The following AP1G1 variants were observed in gnomAD, a reference collection of about 807,000 sequenced individuals.
AP1G1 encodes the protein adaptor related protein complex 1 subunit gamma 1, also known as AP-1 complex subunit gamma-1.
A neutral mutation model predicts 108.3 loss-of-function variants in AP1G1; 7 were observed. The ratio of observed to expected loss-of-function variants is 0.06; its 90% CI spans 0.04 to 0.12. The LOEUF (loss-of-function observed/expected upper bound fraction) is 0.12. Among genes scored for constraint, AP1G1 ranks in the 10% least tolerant of loss-of-function variants. AP1G1 has a pLI of 1.00. For missense variants in AP1G1, 756 were observed against 1,010.7 expected (o/e 0.75, Z 3.42); for synonymous variants, 379 against 353.5 (o/e 1.07, Z -0.81).
chr16:71,774,653 C>T, intron 2 of AP1G1, 61 bp from the exon 3 acceptor site: 2 of 1,518,966 alleles, frequency 1.3e-6, no homozygotes, highest in Non-Finnish European at 1.8e-6. Context: ...TCTAGAAAAG[C>T]AGTGTTTTTA....
intron 10 of AP1G1, among the ~76,000 whole-genome samples, 173 bp from the exon 11 acceptor site, chr16:71,759,094 T>C (rs1044621324): frequency 2.6e-5 from 4 of 152,258 alleles, no homozygotes; most frequent in African/African-American, 9.6e-5. Flanking sequence ...AGCGATACCA[T>C]AATCTAAAAT....
At position 71,746,595 on chromosome 16, in the gene AP1G1, G is replaced by C. The variant is rs761173171; in HGVS notation, c.1723C>G (p.His575Asp). Residue 575 changes from histidine (H) to aspartate (D), a missense_variant, in exon 17 of 23, where the codon CAC becomes GAC. His to Asp is a moderately conservative substitution (Grantham distance 81). This residue lies in a region of AP1G1 where 357 missense variants were observed against 366.5 expected (regional missense o/e 0.97). Transcript: ENST00000299980. ...EYNALFKKYD[H>D]MRSALLERMP... ...TTAGTTTCTTTCGCTCACCTCATGTGGTCATATTTCTTGAAAAGTGCATTA... is the reference window on the plus strand; with the variant it reads ...TTAGTTTCTTTCGCTCACCTCATGTCGTCATATTTCTTGAAAAGTGCATTA... The C allele has an allele frequency of 1.9e-6, 3 of 1,600,676 alleles. No individual in the cohort carries two copies. The Admixed American group carries it at 5.0e-5, about 27-fold the overall frequency.
chr16:71,760,990 C>T (rs1288353190), intron 10 of AP1G1, among the ~76,000 whole-genome samples: 1 of 152,150 alleles, frequency 6.6e-6, no homozygotes, highest in Non-Finnish European at 1.5e-5. Context: ...AGCTAGAGTT[C>T]ACAAAGACAT....
chr16:71,765,281 T>C (rs1429719875), intron 7 of AP1G1, among the ~76,000 whole-genome samples: 2 of 152,210 alleles, frequency 1.3e-5, no homozygotes, highest in East Asian at 1.9e-4. Flanking sequence ...GAGGCAAGAT[T>C]GTGCCACTGC....
intron 22 of AP1G1, 96 bp downstream of exon 22, chr16:71,734,507 CTAACTA>C (rs2045509397): frequency 3.1e-6 from 3 of 955,118 alleles, no homozygotes; most frequent in Non-Finnish European, 5.0e-6. Context: ...GATCTCTTCT[CTAACTA>C]TGAGTCAGAA....
chr16:71,784,230 A>G (rs1015223437), intron 2 of AP1G1, among the ~76,000 whole-genome samples: 11 of 152,220 alleles, frequency 7.2e-5, no homozygotes, highest in African/African-American at 1.7e-4. Context: ...ATAACACTAT[A>G]AAGTAGGCAT....
chr16:71,746,018 CTTT>C (rs563880517), intron 17 of AP1G1, among the ~76,000 whole-genome samples: 1 of 149,274 alleles, frequency 6.7e-6, no homozygotes, highest in African/African-American at 2.5e-5. Flanking sequence ...ACTCCCACTT[CTTT>C]TTTTTTTGAG....
At chr16:71,794,906 A>T (rs1242151481) in intron 1 of AP1G1, among the ~76,000 whole-genome samples, 4 of 139,756 alleles carry the variant, frequency 2.9e-5, no homozygotes, top group Non-Finnish European at 4.5e-5. Context: ...CAAGCTCCCT[A>T]AGGCTAGATC....
At chr16:71,803,145 T>C (rs1345300845) in intron 1 of AP1G1, among the ~76,000 whole-genome samples, 2 of 150,914 alleles carry the variant, frequency 1.3e-5, no homozygotes, top group African/African-American at 4.9e-5. Context: ...ACCCAGGAGG[T>C]AGAGGCTGTA....
chr16:71,767,815 A>T, intron 6 of AP1G1: 1 of 1,512,020 alleles, frequency 6.6e-7, no homozygotes, highest in Admixed American at 1.7e-5. Context: ...GTGGATCGAT[A>T]CACAAAAGCT....
At chr16:71,790,500 C>A (rs1406926293) in intron 1 of AP1G1, among the ~76,000 whole-genome samples, 1 of 145,584 alleles carries the variant, frequency 6.9e-6, no homozygotes, top group African/African-American at 2.5e-5. Flanking sequence ...GCCCTCTAGC[C>A]TGAGCAACAA....
chr16:71,761,673 G>C, intron 9 of AP1G1, 106 bp from the exon 10 acceptor site: 1 of 831,120 alleles, frequency 1.2e-6, no homozygotes, highest in Non-Finnish European at 1.9e-6. Flanking sequence ...CAGACTGCTA[G>C]CAAAAAAAAA....
chr16:71,785,254 C>T (rs916327808), intron 2 of AP1G1, among the ~76,000 whole-genome samples: 3 of 151,700 alleles, frequency 2.0e-5, no homozygotes, highest in East Asian at 1.9e-4. Context: ...ACTCACATAC[C>T]CAAGTTGTTT....
chr16:71,776,806 T>C (rs2031795436), intron 2 of AP1G1, among the ~76,000 whole-genome samples: 1 of 152,028 alleles, frequency 6.6e-6, no homozygotes, highest in Admixed American at 6.6e-5. Flanking sequence ...CCATTTCTTA[T>C]TAAACTATAC....
At chr16:71,772,047 T>A (rs1354056883) in intron 4 of AP1G1, among the ~76,000 whole-genome samples, 2 of 152,212 alleles carry the variant, frequency 1.3e-5, no homozygotes, top group Non-Finnish European at 2.9e-5. Flanking sequence ...TCAAATACCA[T>A]AAAAGTTTAG....
rs190809298 is a variant in AP1G1, at chr16:71,736,602, T to A, written c.2269-1895A>T. Among the ~76,000 whole-genome samples the A allele has an allele frequency of 5.4e-4, 73 of 134,138 alleles. No homozygotes were observed. The East Asian group carries it at 5.6e-3, about 10-fold the overall frequency. The allele number at this position is 134,138 out of a possible 152,430, so 88.0% of individuals were successfully genotyped here. ...TATTTATTTATTTATTTATTTATTT[T>A]TTGAGACGAGTCTCGCTCTGTTGCC... is the stretch of plus-strand genomic sequence containing the variant. On this transcript the variant is annotated intron_variant, in intron 21 of 22. Transcript: ENST00000299980.
intron 1 of AP1G1, among the ~76,000 whole-genome samples, chr16:71,807,554 A>C (rs1309694857): frequency 2.6e-5 from 4 of 152,252 alleles, no homozygotes; most frequent in Admixed American, 2.6e-4. Context: ...TTCAAACGTG[A>C]AAGTTAGGGT....
At chr16:71,798,567 G>A (rs1364679968) in intron 1 of AP1G1, among the ~76,000 whole-genome samples, 1 of 151,262 alleles carries the variant, frequency 6.6e-6, no homozygotes, top group Non-Finnish European at 1.5e-5. Context: ...ACCTGAAAAT[G>A]TCTGTGACAT....
In AP1G1 at chr16:71,771,398, T is replaced by C. The variant is rs1300207650; in HGVS notation, c.469-146A>G. 5.4e-6 allele frequency: 3 copies of C among 556,502 alleles called. No homozygotes were observed. The East Asian group carries it at 9.4e-5, about 17-fold the overall frequency. The allele number at this position is 556,502 out of a possible 1,614,324, so 34.5% of individuals were successfully genotyped here. A position where few individuals can be genotyped will look rare whatever the true frequency, so the allele number is the denominator to read the frequency against. On this transcript the variant is annotated intron_variant, in intron 4 of 22. Coordinates refer to ENST00000299980, the MANE Select transcript of AP1G1 (RefSeq NM_001128.6). ...GAAGGAAGAGGTTAGATATTAGATTTATGGCTCGACACAGTGATAGCCCAC... is the reference window on the plus strand; with the variant it reads ...GAAGGAAGAGGTTAGATATTAGATTCATGGCTCGACACAGTGATAGCCCAC...
Sources: gnomAD v4.1 joint callset for allele counts (sites outside exome capture counted in the v4.1 genomes callset) on GRCh38, gnomAD v4.1.1 for gene constraint, gnomAD v4.1.1 regional missense constraint, MANE v1.5 for transcripts, NCBI Gene and HGNC (gene_info 2026-07-23, HGNC 2026-07-21) for gene names.